RBM20: variants seen among roughly 807,000 people sequenced by gnomAD.
The protein encoded by RBM20 is RNA binding motif protein 20, also known as RNA-binding protein 20.
A neutral mutation model predicts 110.1 loss-of-function variants in RBM20; 51 were observed. That is an observed-to-expected ratio of 0.46 (90% CI 0.37 to 0.59). The LOEUF (loss-of-function observed/expected upper bound fraction) is 0.59, where lower values mean the gene tolerates loss of function less well. RBM20 is among the 20% of genes least tolerant of loss of function. RBM20 has a pLI of 0.00. For synonymous variants in RBM20, 589 were observed against 618.2 expected (o/e 0.95, Z 0.70); for missense variants, 1,512 against 1,574.9 (o/e 0.96, Z 0.68).
Position 110,644,564 on chromosome 10 carries a change from G to T in RBM20, c.110G>T (p.Gly37Val). The T allele has an allele frequency of 6.6e-7, 1 of 1,526,478 alleles. No individual in the cohort carries two copies. 94.6% of individuals were successfully genotyped at this position (1,526,478 alleles called of 1,614,324 possible). The change falls in exon 1 of 14, where the codon GGC becomes GTC. Residue 37 changes from glycine (G) to valine (V), a missense_variant. Physicochemically the swap from Gly to Val is moderately radical, Grantham distance 109. Coordinates refer to ENST00000369519, the MANE Select transcript of RBM20 (RefSeq NM_001134363.3). This position sits in a 1 kb window ranked among gnomAD's most constrained non-coding sequence, Gnocchi z 4.3. ...PGARASPAPS[G>V]PRGMQQPPPP... ...GCCCGGGCGTCCCCGGCACCCTCCG[G>T]CCCGCGAGGGATGCAGCAGCCGCCG...
At chr10:110,751,166 AT>A (rs1843848539) in intron 1 of RBM20, among the ~76,000 whole-genome samples, 1 of 152,186 alleles carries the variant, frequency 6.6e-6, no homozygotes, top group Non-Finnish European at 1.5e-5. Context: ...ATCTTAAGTA[AT>A]TTGTGTGTGC....
rs575188204 is a variant in RBM20, at chr10:110,783,283, C to T, written c.1276-83C>T. On this transcript the variant is annotated intron_variant, in intron 2 of 13. Transcript: ENST00000369519. ...GCCTCTGGGCGCTCTGTGCTCCCTG[C>T]CTGACCAGTGTCTCTGTGCTCATCC... The T allele has an allele frequency of 1.6e-5, 17 of 1,074,652 alleles. No individual in the cohort carries two copies. The South Asian group carries it at 2.3e-4, about 15-fold the overall frequency. The allele number at this position is 1,074,652 out of a possible 1,614,324, so 66.6% of individuals were successfully genotyped here.
At chr10:110,643,654 A>G (rs1475843424), upstream of RBM20, among the ~76,000 whole-genome samples, 2 of 152,206 alleles carry the variant, frequency 1.3e-5, no homozygotes, top group African/African-American at 4.8e-5. Flanking sequence ...AGAGAAAAAG[A>G]AACCAGAAAC....
intron 1 of RBM20, among the ~76,000 whole-genome samples, chr10:110,710,454 G>A (rs897212793): frequency 1.1e-4 from 17 of 152,138 alleles, no homozygotes; most frequent in African/African-American, 1.4e-4. Context: ...TGGTGCCTCC[G>A]GTTCTCAGGT....
chr10:110,743,118 A>G (rs745719803), intron 1 of RBM20, among the ~76,000 whole-genome samples: 7 of 152,248 alleles, frequency 4.6e-5, no homozygotes, highest in Admixed American at 1.3e-4. Flanking sequence ...GAACTCAGAC[A>G]CAATGTATTT....
At chr10:110,748,932 C>A (rs1438299812) in intron 1 of RBM20, among the ~76,000 whole-genome samples, 2 of 152,222 alleles carry the variant, frequency 1.3e-5, no homozygotes, top group Non-Finnish European at 2.9e-5. Flanking sequence ...TACTGTGTGA[C>A]ACACAGTGTT....
At chr10:110,734,618 C>CGTTTTTTTTTTTTTTTTTTTTTTTTT (rs34824300) in intron 1 of RBM20, among the ~76,000 whole-genome samples, 1 of 136,532 alleles carries the variant, frequency 7.3e-6, no homozygotes. Flanking sequence ...AAAATTCCCT[C>CGTTTTTTTTTTTTTTTTTTTTTTTTT]TTTTTTTTTT....
At chr10:110,699,670 GT>G (rs1015237622) in intron 1 of RBM20, among the ~76,000 whole-genome samples, 4 of 152,016 alleles carry the variant, frequency 2.6e-5, no homozygotes, top group Admixed American at 1.3e-4. Context: ...TTATACGGTG[GT>G]CCCCCCTTAT....
chr10:110,658,987 C>G (rs1267844899), intron 1 of RBM20, among the ~76,000 whole-genome samples: 1 of 152,178 alleles, frequency 6.6e-6, no homozygotes, highest in African/African-American at 2.4e-5. Context: ...AAAGACCATG[C>G]AAAGTCCTTG....
intron 1 of RBM20, among the ~76,000 whole-genome samples, chr10:110,713,689 C>A (rs1196636623): frequency 6.6e-6 from 1 of 152,214 alleles, no homozygotes; most frequent in East Asian, 1.9e-4. Flanking sequence ...GACTCACATT[C>A]ATCAATTTAA....
chr10:110,769,843 C>T (rs1210083842), intron 1 of RBM20, among the ~76,000 whole-genome samples: 2 of 151,946 alleles, frequency 1.3e-5, no homozygotes, highest in African/African-American at 4.8e-5. Context: ...CTGAGCCTCC[C>T]AAGTAGCTGA....
chr10:110,748,949 T>G (rs1183949852), intron 1 of RBM20, among the ~76,000 whole-genome samples: 1 of 152,174 alleles, frequency 6.6e-6, no homozygotes, highest in Non-Finnish European at 1.5e-5. Flanking sequence ...TGTTTTGTGG[T>G]GGATGGGAAA....
intron 1 of RBM20, among the ~76,000 whole-genome samples, chr10:110,661,446 C>T (rs1018378014): frequency 6.6e-6 from 1 of 152,140 alleles, no homozygotes; most frequent in South Asian, 2.1e-4. Context: ...GGGCTCAGTC[C>T]CTAGACATAG....
Position 110,739,746 on chromosome 10 carries a change from C to T in RBM20, c.192-41055C>T, listed in dbSNP as rs1843706377. 6.6e-6 allele frequency among the ~76,000 whole-genome samples: 1 copy of T among 152,194 alleles called. No homozygotes were observed. The highest frequency in any genetic ancestry group is 2.4e-5 in the African/African-American group (1 of 41,448). On this transcript the variant is annotated intron_variant, in intron 1 of 13. Coordinates refer to ENST00000369519, the MANE Select transcript of RBM20 (RefSeq NM_001134363.3). This position sits in a 1 kb window ranked among gnomAD's most constrained non-coding sequence, Gnocchi z 4.1. ...AATGGGTATTAATAGTTCCCACCTG[C>T]AGGACTGAACTGTGGAAATGCACTG... is the stretch of plus-strand genomic sequence containing the variant.
At position 110,753,414 on chromosome 10, in the gene RBM20, G is replaced by A. The variant is rs138453452; in HGVS notation, c.192-27387G>A. The stretch of plus-strand genomic sequence containing the variant: ...CCAACAAAATATATTGTTCTACACA[G>A]TGGAAGTTCATTTGGATTTACTCAT... On this transcript the variant is annotated intron_variant, in intron 1 of 13. Coordinates refer to ENST00000369519, the MANE Select transcript of RBM20 (RefSeq NM_001134363.3). Among the ~76,000 whole-genome samples, 465 of 152,256 alleles carry A rather than the reference G, an allele frequency of 3.1e-3. 3 individuals are homozygous for A. The highest frequency in any genetic ancestry group is 0.011 in the African/African-American group (441 of 41,546).
intron 1 of RBM20, among the ~76,000 whole-genome samples, chr10:110,717,606 C>G (rs1031704040): frequency 6.6e-6 from 1 of 152,166 alleles, no homozygotes; most frequent in Non-Finnish European, 1.5e-5. Context: ...AATCCCACCC[C>G]TGCCGTTGAC....
At chr10:110,741,741 G>A (rs1345727839) in intron 1 of RBM20, among the ~76,000 whole-genome samples, 1 of 143,992 alleles carries the variant, frequency 6.9e-6, no homozygotes, top group Non-Finnish European at 1.5e-5. Context: ...ACCTGGCTTT[G>A]TCCTACTCTT....
chr10:110,812,253 A>G, intron 8 of RBM20, 25 bp from the exon 9 acceptor site: 1 of 1,520,816 alleles, frequency 6.6e-7, no homozygotes, highest in Non-Finnish European at 8.8e-7. Flanking sequence ...AAGATTCTAA[A>G]TCCTGCTCCT....
rs930912173 is a variant in RBM20, at chr10:110,781,587, G to A, written c.978G>A (p.Ser326=). 1.5e-5 allele frequency: 23 copies of A among 1,551,500 alleles called. No individual in the cohort carries two copies. Among genetic ancestry groups the A allele is most frequent in the African/African-American group, 1.1e-4 (8 of 73,032 alleles). ...AATGGGAGAGCCCCCATGGATTCTCGGGCCAAAGCAAGCCTGATCTCACAG... is the reference window on the plus strand; with the variant it reads ...AATGGGAGAGCCCCCATGGATTCTCAGGCCAAAGCAAGCCTGATCTCACAG... ...NSQWESPHGF[S]GQSKPDLTAG... The change falls in exon 2 of 14, where the codon TCG becomes TCA. Residue 326 remains serine, a synonymous_variant. Coordinates refer to ENST00000369519, the MANE Select transcript of RBM20 (RefSeq NM_001134363.3).
Sources: gnomAD v4.1 joint callset for allele counts (sites outside exome capture counted in the v4.1 genomes callset) on GRCh38, gnomAD v4.1.1 for gene constraint, Gnocchi (gnomAD v3.1) non-coding constraint, MANE v1.5 for transcripts, NCBI Gene and HGNC (gene_info 2026-07-23, HGNC 2026-07-21) for gene names.